NTM: variants seen among roughly 807,000 people sequenced by gnomAD.
NTM encodes IgLON family member 2.
A neutral mutation model predicts 42.1 loss-of-function variants in NTM; 13 were observed. That is an observed-to-expected ratio of 0.31 (90% CI 0.20 to 0.49). NTM has a LOEUF of 0.49. Among genes scored for constraint, NTM ranks in the 20% least tolerant of loss-of-function variants. The probability of loss-of-function intolerance (pLI) is 0.99; values close to 1 mark genes in which losing one functional copy is unlikely to be tolerated. For synonymous variants in NTM, 187 were observed against 179.2 expected (o/e 1.04, Z -0.35); for missense variants, 373 against 452.8 (o/e 0.82, Z 1.60).
chr11:131,374,494 G>C (rs1287813953), intron 1 of NTM, among the ~76,000 whole-genome samples: 2 of 152,218 alleles, frequency 1.3e-5, no homozygotes, highest in African/African-American at 2.4e-5. Flanking sequence ...CGTCTTATCA[G>C]CTGCAATGTA....
intron 2 of NTM, among the ~76,000 whole-genome samples, chr11:131,978,925 A>G (rs762741032): frequency 6.6e-6 from 1 of 152,170 alleles, no homozygotes; most frequent in Non-Finnish European, 1.5e-5. Context: ...TGTGGCAGAT[A>G]AGTCCCCTAG....
intron 1 of NTM, among the ~76,000 whole-genome samples, chr11:131,488,065 C>T (rs1418424027): frequency 6.6e-6 from 1 of 152,164 alleles, no homozygotes; most frequent in Non-Finnish European, 1.5e-5. Context: ...GGTAAAAGAG[C>T]CACTGCCTTC....
intron 1 of NTM, among the ~76,000 whole-genome samples, chr11:131,510,016 T>C (rs1014474644): frequency 2.0e-5 from 3 of 152,138 alleles, no homozygotes; most frequent in South Asian, 4.1e-4. Context: ...GAGGCCAGTT[T>C]CCCACGTCTC....
chr11:132,012,198 A>G (rs1320065203), intron 2 of NTM, among the ~76,000 whole-genome samples: 1 of 152,242 alleles, frequency 6.6e-6, no homozygotes, highest in Non-Finnish European at 1.5e-5. Context: ...AGAGAGGAAG[A>G]AATCAAAGAA....
chr11:131,504,235 A>G (rs2047204298), intron 1 of NTM, among the ~76,000 whole-genome samples: 1 of 152,154 alleles, frequency 6.6e-6, no homozygotes, highest in South Asian at 2.1e-4. Flanking sequence ...CGCATGCCTG[A>G]ATTCAGCCTG....
intron 1 of NTM, among the ~76,000 whole-genome samples, chr11:131,508,442 G>A (rs947267169): frequency 2.7e-5 from 4 of 148,382 alleles, no homozygotes; most frequent in Non-Finnish European, 4.4e-5. Context: ...TGGTGGGACT[G>A]TAAACTAGTT....
At chr11:131,426,698 C>T (rs1948167314) in intron 1 of NTM, among the ~76,000 whole-genome samples, 1 of 152,160 alleles carries the variant, frequency 6.6e-6, no homozygotes, top group Non-Finnish European at 1.5e-5. Flanking sequence ...CCTGTCAGAG[C>T]CCGAACTTCT....
intron 1 of NTM, among the ~76,000 whole-genome samples, chr11:131,513,787 G>A (rs773352005): frequency 1.3e-5 from 2 of 152,178 alleles, no homozygotes; most frequent in Non-Finnish European, 2.9e-5. Flanking sequence ...GTTGTGTAAA[G>A]GTCCCTGGCA....
At chr11:132,127,727 G>T (rs1159685364) in intron 2 of NTM, among the ~76,000 whole-genome samples, 1 of 152,202 alleles carries the variant, frequency 6.6e-6, no homozygotes, top group Non-Finnish European at 1.5e-5. Context: ...TCTGCTCTCC[G>T]ATTTATTGCC....
intron 4 of NTM, among the ~76,000 whole-genome samples, chr11:132,275,452 C>G (rs934313176): frequency 6.6e-6 from 1 of 151,844 alleles, no homozygotes; most frequent in Non-Finnish European, 1.5e-5. Flanking sequence ...CTAGTAAGGA[C>G]TTAATGAGAT....
intron 1 of NTM, among the ~76,000 whole-genome samples, chr11:131,492,704 G>A (rs1591820532): frequency 1.3e-5 from 2 of 152,164 alleles, no homozygotes; most frequent in African/African-American, 4.8e-5. Context: ...AGATCCATGT[G>A]TCTGGAGCAT....
At chr11:131,650,812 A>G (rs1424992614) in intron 1 of NTM, among the ~76,000 whole-genome samples, 1 of 152,228 alleles carries the variant, frequency 6.6e-6, no homozygotes, top group Non-Finnish European at 1.5e-5. Context: ...TTTCAAGAAA[A>G]TATCGAGAAA....
chr11:132,296,382 A>C (rs1328622792), intron 4 of NTM, among the ~76,000 whole-genome samples: 1 of 152,244 alleles, frequency 6.6e-6, no homozygotes, highest in African/African-American at 2.4e-5. Flanking sequence ...TGAATGTCCC[A>C]AACTTTTCCT....
At chr11:131,925,712 A>G (rs765217160) in intron 2 of NTM, among the ~76,000 whole-genome samples, 2 of 152,090 alleles carry the variant, frequency 1.3e-5, no homozygotes, top group Admixed American at 6.6e-5. Flanking sequence ...TTGAAGAGAA[A>G]CCAGGTGGTG....
intron 1 of NTM, among the ~76,000 whole-genome samples, chr11:131,739,663 C>T (rs2080930821): frequency 6.6e-6 from 1 of 152,138 alleles, no homozygotes; most frequent in African/African-American, 2.4e-5. Flanking sequence ...CTATTTACTT[C>T]CAGTGGATGA....
At position 131,372,308 on chromosome 11, in the gene NTM, C is replaced by A. The variant is rs76340527; in HGVS notation, c.82+1420C>A. 1.6e-3 allele frequency among the ~76,000 whole-genome samples: 243 copies of A among 152,222 alleles called. 2 individuals are homozygous for A. The highest frequency in any genetic ancestry group is 0.014 in the Middle Eastern group (4 of 294). On this transcript the variant is annotated intron_variant, in intron 1 of 8. Coordinates refer to ENST00000683400, the MANE Select transcript of NTM (RefSeq NM_001352005.2). ...GCAGGGATGTCCATGATGTCGTCTG[C>A]TGCACCCAACCCCAGGAGGCATGGG...
intron 1 of NTM, among the ~76,000 whole-genome samples, chr11:131,758,883 T>C (rs558778701): frequency 3.9e-5 from 6 of 152,200 alleles, no homozygotes; most frequent in Admixed American, 6.5e-5. Context: ...TGACCCACCG[T>C]GTCCAGCCGT....
intron 2 of NTM, among the ~76,000 whole-genome samples, chr11:131,973,927 G>C (rs11222854): frequency 0.2 from 30,551 of 152,062 alleles, 3,788 homozygotes; most frequent in East Asian, 0.46. Context: ...TCTTCTGCCT[G>C]TGCCACCCCT....
At chr11:131,691,568 G>A (rs1592576978) in intron 1 of NTM, among the ~76,000 whole-genome samples, 1 of 131,694 alleles carries the variant, frequency 7.6e-6, no homozygotes, top group Non-Finnish European at 1.5e-5. Context: ...GCCCCCCCCC[G>A]ACTTCCCTTC....
Sources: allele counts gnomAD v4.1 joint callset (sites outside exome capture counted in the v4.1 genomes callset), GRCh38; gene constraint gnomAD v4.1.1; transcripts MANE v1.5; gene names NCBI Gene and HGNC (gene_info 2026-07-23, HGNC 2026-07-21).